ASTN2: variants seen among roughly 807,000 people sequenced by gnomAD.
The protein encoded by ASTN2 is astrotactin 2, also known as astrotactin-2.
Under a neutral mutation model 139.8 loss-of-function variants are expected in ASTN2, and 54 were observed. The observed-to-expected ratio is 0.39, with a 90% CI of 0.31 to 0.48. ASTN2 has a LOEUF of 0.48. Among genes scored for constraint, ASTN2 ranks in the 20% least tolerant of loss-of-function variants. ASTN2 has a pLI of 0.95. For synonymous variants in ASTN2, 756 were observed against 719.5 expected, an observed-to-expected ratio of 1.05 and a Z score of -0.81; for missense variants, 1,565 against 1,725.1, an observed-to-expected ratio of 0.91 and a Z score of 1.64.
chr9:116,884,601 C>A (rs750582568), intron 10 of ASTN2, among the ~76,000 whole-genome samples: 1 of 151,992 alleles, frequency 6.6e-6, no homozygotes, highest in Non-Finnish European at 1.5e-5. Context: ...GAACCCCAGA[C>A]GCAGAGGTTG....
At chr9:116,445,144 C>G (rs747448498) in intron 20 of ASTN2, among the ~76,000 whole-genome samples, 2 of 152,124 alleles carry the variant, frequency 1.3e-5, no homozygotes, top group African/African-American at 4.8e-5. Context: ...GTACTAGGCA[C>G]ACAGTAGGCA....
At chr9:116,861,442 A>T (rs1293507507) in intron 11 of ASTN2, among the ~76,000 whole-genome samples, 1 of 152,198 alleles carries the variant, frequency 6.6e-6, no homozygotes, top group Non-Finnish European at 1.5e-5. Flanking sequence ...CTGTTTGTCC[A>T]CTGGCTGGGT....
At chr9:117,186,039 T>A (rs1831188492) in intron 3 of ASTN2, among the ~76,000 whole-genome samples, 1 of 152,150 alleles carries the variant, frequency 6.6e-6, no homozygotes, top group South Asian at 2.1e-4. Context: ...CACACAGACC[T>A]AGCTTCAAAT....
chr9:116,790,966 GGAAAGAAAGAAAGAAAGAAA>G (rs1180188046), intron 13 of ASTN2, among the ~76,000 whole-genome samples: 825 of 65,830 alleles, frequency 0.013, 11 homozygotes, highest in East Asian at 0.017. Flanking sequence ...AAAGAAAGAA[GGAAAGAAAGAAAGAAAGAAA>G]GAAAGAAAGA....
intron 1 of ASTN2, among the ~76,000 whole-genome samples, chr9:117,353,873 GA>G (rs1236848316): frequency 6.6e-6 from 1 of 152,136 alleles, no homozygotes; most frequent in Admixed American, 6.5e-5. Flanking sequence ...ACAGCAAAAA[GA>G]CCAGCGATAG....
intron 5 of ASTN2, among the ~76,000 whole-genome samples, chr9:117,052,938 T>A (rs1457870317): frequency 6.6e-6 from 1 of 152,196 alleles, no homozygotes; most frequent in East Asian, 1.9e-4. Context: ...CTGGATATCA[T>A]GCCAGGAGAG....
chr9:116,994,290 A>G (rs2132557006), intron 7 of ASTN2, among the ~76,000 whole-genome samples: 1 of 152,296 alleles, frequency 6.6e-6, no homozygotes, highest in African/African-American at 2.4e-5. Context: ...ATAAAAACTA[A>G]TTTACAAAAA....
At position 117,052,433 on chromosome 9, in the gene ASTN2, T is replaced by TCAAAA. The variant is rs375714439; in HGVS notation, c.1277-12469_1277-12468insTTTTG. Among the ~76,000 whole-genome samples the TCAAAA allele has an allele frequency of 1.6e-4, 20 of 125,010 alleles. 3 individuals carry two copies. Among genetic ancestry groups the TCAAAA allele is most frequent in the African/African-American group, 2.1e-4 (7 of 32,908 alleles). The allele number at this position is 125,010 out of a possible 152,430, so 82.0% of individuals were successfully genotyped here. A position where few individuals can be genotyped will look rare whatever the true frequency, so the allele number is the denominator to read the frequency against. On this transcript the variant is annotated intron_variant, in intron 5 of 22. Coordinates refer to ENST00000313400, the MANE Select transcript of ASTN2 (RefSeq NM_001365068.1). ...GCCTGGGCGAGAGAGAGACTCCATC[T>TCAAAA]TAAAAAAAAAAAAAAAAAGAAAGAA...
At chr9:117,315,195 G>A (rs1828105253) in intron 1 of ASTN2, among the ~76,000 whole-genome samples, 1 of 152,014 alleles carries the variant, frequency 6.6e-6, no homozygotes, top group Admixed American at 6.6e-5. Context: ...GATGTTTCAT[G>A]AACTTTAAAA....
At chr9:117,167,853 T>G (rs921345359) in intron 3 of ASTN2, among the ~76,000 whole-genome samples, 2 of 152,128 alleles carry the variant, frequency 1.3e-5, no homozygotes, top group East Asian at 3.9e-4. Flanking sequence ...AACGTTTTCC[T>G]GAGTAAAGAA....
At chr9:116,901,183 A>C (rs1443105780) in intron 10 of ASTN2, among the ~76,000 whole-genome samples, 1 of 152,098 alleles carries the variant, frequency 6.6e-6, no homozygotes, top group African/African-American at 2.4e-5. Flanking sequence ...TTATATGCCC[A>C]TATGCCCAGG....
chr9:117,219,253 C>T (rs967019884), intron 2 of ASTN2, among the ~76,000 whole-genome samples: 4 of 152,140 alleles, frequency 2.6e-5, no homozygotes, highest in Admixed American at 6.5e-5. Flanking sequence ...CCTTCTTTAA[C>T]AGCTTCCCAC....
intron 1 of ASTN2, among the ~76,000 whole-genome samples, chr9:117,338,644 C>T (rs1193983416): frequency 1.3e-5 from 2 of 152,112 alleles, no homozygotes; most frequent in African/African-American, 2.4e-5. Flanking sequence ...CCCCCTCCAC[C>T]CTACTGGCAC....
At chr9:116,513,828 C>T (rs368264146) in intron 19 of ASTN2, among the ~76,000 whole-genome samples, 1 of 152,140 alleles carries the variant, frequency 6.6e-6, no homozygotes, top group East Asian at 1.9e-4. Flanking sequence ...ACGTAGTTAT[C>T]GTGCCATGGT....
intron 13 of ASTN2, among the ~76,000 whole-genome samples, chr9:116,795,707 A>AG (rs1316526795): frequency 6.6e-6 from 1 of 152,172 alleles, no homozygotes; most frequent in Admixed American, 6.5e-5. Context: ...ATGAAAAAAA[A>AG]CCCATCTTCA....
At chr9:116,678,236 G>C (rs1259945390) in intron 16 of ASTN2, among the ~76,000 whole-genome samples, 1 of 152,160 alleles carries the variant, frequency 6.6e-6, no homozygotes, top group African/African-American at 2.4e-5. Flanking sequence ...CTACTTTGGG[G>C]CATTAGATTA....
intron 17 of ASTN2, among the ~76,000 whole-genome samples, chr9:116,633,905 T>C (rs1856930559): frequency 6.6e-6 from 1 of 152,168 alleles, no homozygotes; most frequent in Admixed American, 6.5e-5. Flanking sequence ...TAGATTCTTA[T>C]CAGCTTTAAG....
chr9:117,285,247 G>T (rs899020532), intron 2 of ASTN2, among the ~76,000 whole-genome samples: 3 of 150,218 alleles, frequency 2.0e-5, no homozygotes, highest in Non-Finnish European at 4.4e-5. Flanking sequence ...CCCATAGTTG[G>T]CTCAATCTGA....
chr9:116,883,110 A>C (rs1403193437), intron 10 of ASTN2, among the ~76,000 whole-genome samples: 2 of 152,210 alleles, frequency 1.3e-5, no homozygotes, highest in African/African-American at 4.8e-5. Context: ...CATTGTTTAT[A>C]ATGGGGCAAA....
Sources: gnomAD v4.1 joint callset for allele counts (sites outside exome capture counted in the v4.1 genomes callset) on GRCh38, gnomAD v4.1.1 for gene constraint, MANE v1.5 for transcripts, NCBI Gene and HGNC (gene_info 2026-07-23, HGNC 2026-07-21) for gene names.